The following LARGE1 variants were observed in gnomAD, a reference collection of about 807,000 sequenced individuals.
LARGE1 encodes LARGE xylosyl- and glucuronyltransferase 1, also known as xylosyl- and glucuronyltransferase LARGE1.
LARGE1 carries 43 observed loss-of-function variants against 87.6 expected under a neutral mutation model. The observed-to-expected ratio is 0.49, with a 90% CI of 0.38 to 0.63. The LOEUF (loss-of-function observed/expected upper bound fraction) is 0.63. Among genes scored for constraint, LARGE1 ranks in the 30% least tolerant of loss-of-function variants. The pLI is 0.00. For synonymous variants in LARGE1, 434 were observed against 394.6 expected (o/e 1.10, Z -1.18); for missense variants, 802 against 1,000.2 (o/e 0.80, Z 2.67).
At chr22:33,867,325 C>T (rs1480801381) in intron 1 of LARGE1, among the ~76,000 whole-genome samples, 2 of 152,064 alleles carry the variant, frequency 1.3e-5, no homozygotes, top group South Asian at 2.1e-4. Context: ...GCACACATGC[C>T]CTCTGCCTTC....
chr22:33,421,999 G>C (rs950151691), intron 7 of LARGE1, among the ~76,000 whole-genome samples: 7 of 152,250 alleles, frequency 4.6e-5, no homozygotes, highest in African/African-American at 1.7e-4. Flanking sequence ...TGGCAGTACT[G>C]CCAAGCAGGC....
intron 6 of LARGE1, among the ~76,000 whole-genome samples, chr22:33,506,412 C>T (rs1261078603): frequency 1.3e-5 from 2 of 152,146 alleles, no homozygotes; most frequent in African/African-American, 4.8e-5. Flanking sequence ...TTCCTGTGTC[C>T]TCGAGGAAAC....
intron 1 of LARGE1, among the ~76,000 whole-genome samples, chr22:33,798,275 A>C (rs1489197530): frequency 6.6e-6 from 1 of 151,220 alleles, no homozygotes; most frequent in Non-Finnish European, 1.5e-5. Context: ...GGGAGACAAG[A>C]GCGAAACTCT....
intron 4 of LARGE1, among the ~76,000 whole-genome samples, chr22:33,618,874 C>G (rs760329590): frequency 3.9e-5 from 6 of 152,222 alleles, no homozygotes; most frequent in Non-Finnish European, 8.8e-5. Flanking sequence ...TTACACATAA[C>G]TACCCTTTCC....
chr22:33,815,708 G>A (rs1018086528), intron 1 of LARGE1, among the ~76,000 whole-genome samples: 5 of 152,206 alleles, frequency 3.3e-5, no homozygotes, highest in Non-Finnish European at 7.3e-5. Context: ...GTTCTCAGCA[G>A]AGAATTGTAG....
intron 7 of LARGE1, among the ~76,000 whole-genome samples, chr22:33,425,859 C>G (rs2066857651): frequency 6.6e-6 from 1 of 152,162 alleles, no homozygotes; most frequent in Non-Finnish European, 1.5e-5. Flanking sequence ...GCCTCAGCCT[C>G]CTGAGTAGCT....
At chr22:33,428,105 G>C (rs1439784885) in intron 7 of LARGE1, among the ~76,000 whole-genome samples, 1 of 152,136 alleles carries the variant, frequency 6.6e-6, no homozygotes, top group Non-Finnish European at 1.5e-5. Flanking sequence ...TCTGACCAAA[G>C]GGCTTGGGAG....
At chr22:33,598,528 C>T (rs1243418202) in intron 5 of LARGE1, among the ~76,000 whole-genome samples, 3 of 152,064 alleles carry the variant, frequency 2.0e-5, no homozygotes, top group African/African-American at 7.2e-5. Flanking sequence ...CCCCCAGGCC[C>T]CCACCCCCTG....
At chr22:33,423,356 G>A (rs1246564806) in intron 7 of LARGE1, among the ~76,000 whole-genome samples, 1 of 151,696 alleles carries the variant, frequency 6.6e-6, no homozygotes, top group East Asian at 1.9e-4. Context: ...ATTAAAGCCA[G>A]GGCACTATAT....
chr22:33,096,682 C>T, the LARGE1 span, among the ~76,000 whole-genome samples: 3 of 150,640 alleles, frequency 2.0e-5, no homozygotes, highest in Non-Finnish European at 4.4e-5. Context: ...CTCCTGCCTC[C>T]GCCTCCCGAG....
chr22:33,736,789 TTTA>T (rs1355662744), intron 2 of LARGE1, among the ~76,000 whole-genome samples: 1 of 152,248 alleles, frequency 6.6e-6, no homozygotes, highest in African/African-American at 2.4e-5. Context: ...GTTGATTTAC[TTTA>T]TTTTCATTTT....
At chr22:33,442,264 C>A (rs1014415284) in intron 6 of LARGE1, among the ~76,000 whole-genome samples, 3 of 152,184 alleles carry the variant, frequency 2.0e-5, no homozygotes, top group African/African-American at 7.2e-5. Context: ...TTTATGGAGC[C>A]CCAACTCTGC....
chr22:33,912,317 C>A (rs1217391214), intron 1 of LARGE1, among the ~76,000 whole-genome samples: 2 of 152,092 alleles, frequency 1.3e-5, no homozygotes, highest in Non-Finnish European at 2.9e-5. Flanking sequence ...CAATCCCTAA[C>A]CACAGAATAA....
At chr22:33,302,297 T>C (rs5998864) in intron 12 of LARGE1, among the ~76,000 whole-genome samples, 27,461 of 152,154 alleles carry the variant, frequency 0.18, 5,387 homozygotes, top group African/African-American at 0.5. Context: ...TGCAGCCTGG[T>C]GGGTCAGGGG....
chr22:33,877,926 AAATAATAAT>A (rs775963370), intron 1 of LARGE1, among the ~76,000 whole-genome samples: 1 of 151,548 alleles, frequency 6.6e-6, no homozygotes, highest in Admixed American at 6.6e-5. Flanking sequence ...TGTCTCAAAA[AAATAATAAT>A]AATAATAATA....
chr22:33,904,521 G>A (rs1046818960), intron 1 of LARGE1, among the ~76,000 whole-genome samples: 1 of 152,184 alleles, frequency 6.6e-6, no homozygotes, highest in African/African-American at 2.4e-5. Flanking sequence ...GGTGGGGCAA[G>A]TCAGATGTGC....
the LARGE1 span, among the ~76,000 whole-genome samples, chr22:33,154,200 T>A: frequency 6.6e-6 from 1 of 152,158 alleles, no homozygotes; most frequent in Non-Finnish European, 1.5e-5. Context: ...TCCTCTTTTA[T>A]TAAGCTACTG....
the LARGE1 span, among the ~76,000 whole-genome samples, chr22:33,119,489 G>T: frequency 1.3e-5 from 2 of 152,060 alleles, no homozygotes; most frequent in Non-Finnish European, 2.9e-5. Flanking sequence ...GTGTTCTATA[G>T]GTTTGAGTAG....
chr22:33,687,385 CT>C (rs35130764), intron 2 of LARGE1, among the ~76,000 whole-genome samples: 31,469 of 143,390 alleles, frequency 0.22, 3,367 homozygotes, highest in Admixed American at 0.25. Flanking sequence ...TACCTTGCTG[CT>C]TTTTTTTTTT....
Sources: allele counts gnomAD v4.1 joint callset (sites outside exome capture counted in the v4.1 genomes callset), GRCh38; gene constraint gnomAD v4.1.1; transcripts MANE v1.5; gene names NCBI Gene and HGNC (gene_info 2026-07-23, HGNC 2026-07-21).